The following ALK variants were observed in gnomAD, a reference collection of about 807,000 sequenced individuals.
The protein encoded by ALK is ALK tyrosine kinase receptor.
Under a neutral mutation model 163.1 loss-of-function variants are expected in ALK, and 74 were observed. That is an observed-to-expected ratio of 0.45 (90% CI 0.38 to 0.55). The LOEUF (loss-of-function observed/expected upper bound fraction) is 0.55. Ranked by LOEUF, ALK falls within the 20% of genes least tolerant of loss-of-function variation. The pLI is 0.00. For synonymous variants in ALK, 960 were observed against 843.2 expected (o/e 1.14, Z -2.40); for missense variants, 2,063 against 2,105.3 (o/e 0.98, Z 0.39).
At chr2:29,648,710 A>T (rs10186747) in intron 3 of ALK, among the ~76,000 whole-genome samples, 115,575 of 152,048 alleles carry the variant, frequency 0.76, 44,095 homozygotes, top group Middle Eastern at 0.82. Context: ...CTTTCTTTTG[A>T]CATTATGCTA....
chr2:29,340,952 C>T (rs1257631061), intron 5 of ALK, among the ~76,000 whole-genome samples: 1 of 152,164 alleles, frequency 6.6e-6, no homozygotes, highest in Admixed American at 6.5e-5. Flanking sequence ...AGTCTGTCTG[C>T]CTGACTAGCA....
chr2:29,371,886 T>C (rs113658897), intron 5 of ALK, among the ~76,000 whole-genome samples: 14 of 152,160 alleles, frequency 9.2e-5, no homozygotes, highest in African/African-American at 3.1e-4. Context: ...AGTGATGCCT[T>C]ACTATTGTCC....
intron 1 of ALK, among the ~76,000 whole-genome samples, chr2:29,870,161 A>G (rs937500589): frequency 3.9e-5 from 6 of 152,190 alleles, no homozygotes; most frequent in Non-Finnish European, 7.3e-5. Flanking sequence ...TTTAGGGTAA[A>G]TTATCCCTGT....
intron 1 of ALK, among the ~76,000 whole-genome samples, chr2:29,759,655 C>T (rs1680644444): frequency 6.6e-6 from 1 of 152,132 alleles, no homozygotes; most frequent in Admixed American, 6.5e-5. Context: ...GAGAGATGTC[C>T]ATGATTTCTC....
chr2:29,565,167 G>A (rs1674144074), intron 3 of ALK, among the ~76,000 whole-genome samples: 1 of 152,238 alleles, frequency 6.6e-6, no homozygotes, highest in African/African-American at 2.4e-5. Flanking sequence ...CTCTGTGGCA[G>A]AAGATTTACT....
chr2:29,523,640 C>G (rs1672872454), intron 4 of ALK, among the ~76,000 whole-genome samples: 1 of 152,130 alleles, frequency 6.6e-6, no homozygotes, highest in Admixed American at 6.6e-5. Context: ...ATTTTGACTT[C>G]TCTTTGTATA....
rs146074150 is a variant in ALK at position 29,223,365 on chromosome 2, C to T, written c.3336G>A (p.Pro1112=). The T allele has an allele frequency of 6.2e-4, 1,000 of 1,614,136 alleles. 13 individuals are homozygous for T. The East Asian group carries it at 0.021, about 34-fold the overall frequency. Reference sequence around the variant, plus strand: ...ACCGAATGAGGGTGATGTTTTTCCGCGGCACCTCCTTCAGGTCACTGATGG... The same window carrying T: ...ACCGAATGAGGGTGATGTTTTTCCGTGGCACCTCCTTCAGGTCACTGATGG... ...TSSISDLKEV[P]RKNITLIRGL... Residue 1112 remains proline, a synonymous_variant, in exon 20 of 29, where the codon CCG becomes CCA. Transcript: ENST00000389048.
intron 1 of ALK, among the ~76,000 whole-genome samples, chr2:29,781,082 A>C (rs1285456480): frequency 6.6e-6 from 1 of 152,200 alleles, no homozygotes; most frequent in Non-Finnish European, 1.5e-5. Flanking sequence ...GAATAAACAG[A>C]ACAAAGATGA....
chr2:29,829,923 C>T (rs187065527), intron 1 of ALK, among the ~76,000 whole-genome samples: 1 of 152,318 alleles, frequency 6.6e-6, no homozygotes, highest in East Asian at 1.9e-4. Flanking sequence ...AAGCTGTCAG[C>T]CTCTGGGTGA....
At chr2:29,497,083 C>G (rs1180503479) in intron 4 of ALK, among the ~76,000 whole-genome samples, 1 of 152,136 alleles carries the variant, frequency 6.6e-6, no homozygotes, top group Non-Finnish European at 1.5e-5. Flanking sequence ...CCAGCCTAGT[C>G]AACATGGTGA....
chr2:29,797,117 C>A (rs1422682427), intron 1 of ALK, among the ~76,000 whole-genome samples: 4 of 151,402 alleles, frequency 2.6e-5, no homozygotes, highest in Non-Finnish European at 5.9e-5. Context: ...TAGAAACAAA[C>A]AATACTATCC....
intron 1 of ALK, among the ~76,000 whole-genome samples, chr2:29,721,068 G>A (rs1380612490): frequency 3.9e-5 from 6 of 152,114 alleles, no homozygotes; most frequent in Non-Finnish European, 2.9e-5. Context: ...GAGAAAGGAG[G>A]AAGAAATATA....
intron 5 of ALK, among the ~76,000 whole-genome samples, chr2:29,381,704 C>T (rs1463727720): frequency 2.6e-5 from 4 of 152,198 alleles, no homozygotes; most frequent in Non-Finnish European, 4.4e-5. Flanking sequence ...CCATTTTTCT[C>T]CTTTTATCCC....
intron 4 of ALK, among the ~76,000 whole-genome samples, chr2:29,495,261 C>G (rs1404074823): frequency 6.6e-6 from 1 of 152,148 alleles, no homozygotes; most frequent in Non-Finnish European, 1.5e-5. Flanking sequence ...GCCTCCCTGG[C>G]TCTCTGGCTT....
rs3934603 is a variant in ALK at position 29,848,606 on chromosome 2, T to C, written c.667+71387A>G. On this transcript the variant is annotated intron_variant, in intron 1 of 28. Transcript: ENST00000389048. Reference sequence around the variant, plus strand: ...GTGTATTGTTGAGGGTTACCCAGGATGGAAAGAGGGGTAGGCTCTCTGGTT... The same window carrying C: ...GTGTATTGTTGAGGGTTACCCAGGACGGAAAGAGGGGTAGGCTCTCTGGTT... Among the ~76,000 whole-genome samples, 1,259 of 152,214 alleles carry C rather than the reference T, an allele frequency of 8.3e-3. 25 individuals are homozygous for C. The highest frequency in any genetic ancestry group is 0.028 in the African/African-American group (1,181 of 41,528).
chr2:29,883,463 T>C (rs1666915412), intron 1 of ALK, among the ~76,000 whole-genome samples: 1 of 152,248 alleles, frequency 6.6e-6, no homozygotes, highest in African/African-American at 2.4e-5. Context: ...CCCTGTGATA[T>C]TCCTTGGTGC....
chr2:29,446,777 C>T (rs1191543595), intron 4 of ALK, among the ~76,000 whole-genome samples: 1 of 152,180 alleles, frequency 6.6e-6, no homozygotes, highest in Non-Finnish European at 1.5e-5. Flanking sequence ...CCTGTGTTGG[C>T]TTAGAAAAAT....
At chr2:29,200,750 T>TAC (rs1256525206) in intron 26 of ALK, among the ~76,000 whole-genome samples, 10 of 109,210 alleles carry the variant, frequency 9.2e-5, no homozygotes, top group Non-Finnish European at 1.5e-4. Context: ...CGTATATATA[T>TAC]ACGTATATAT....
At chr2:29,437,787 C>T (rs1238014990) in intron 4 of ALK, among the ~76,000 whole-genome samples, 17 of 152,210 alleles carry the variant, frequency 1.1e-4, no homozygotes, top group Admixed American at 1.0e-3. Context: ...GTTTATTCTT[C>T]ATGCTACAAT....
Sources: allele counts gnomAD v4.1 joint callset (sites outside exome capture counted in the v4.1 genomes callset), GRCh38; gene constraint gnomAD v4.1.1; transcripts MANE v1.5; gene names NCBI Gene and HGNC (gene_info 2026-07-23, HGNC 2026-07-21).